The following CRADD variants were observed in gnomAD, a reference collection of about 807,000 sequenced individuals.
CRADD encodes CARD and death domain containing adaptor protein, also known as death domain-containing protein CRADD.
A neutral mutation model predicts 15.5 loss-of-function variants in CRADD; 9 were observed. The ratio of observed to expected loss-of-function variants is 0.58; its 90% confidence interval spans 0.35 to 1.01. CRADD has a LOEUF of 1.01. Ranked by LOEUF, CRADD falls within the 50% of genes least tolerant of loss-of-function variation. CRADD has a pLI of 0.02. For missense variants in CRADD, 227 were observed against 250.3 expected (o/e 0.91, Z 0.63); for synonymous variants, 118 against 107.6 (o/e 1.10, Z -0.60).
intron 2 of CRADD, among the ~76,000 whole-genome samples, chr12:93,709,250 T>A (rs1466413416): frequency 6.6e-6 from 1 of 152,210 alleles, no homozygotes; most frequent in Non-Finnish European, 1.5e-5. Flanking sequence ...GTGATTTATT[T>A]TTTTCTTTAT....
chr12:93,874,284 G>C (rs997077170), intron 2 of CRADD, among the ~76,000 whole-genome samples: 3 of 151,902 alleles, frequency 2.0e-5, no homozygotes, highest in Non-Finnish European at 4.4e-5. Context: ...TGTATCAGTT[G>C]TCATGTCTCC....
Position 93,840,283 on chromosome 12 carries a change from T to C in CRADD, c.299-9687T>C, listed in dbSNP as rs78989531. On this transcript the variant is annotated intron_variant, in intron 2 of 2. Coordinates refer to ENST00000332896, the MANE Select transcript of CRADD (RefSeq NM_003805.5). The stretch of plus-strand genomic sequence containing the variant: ...TAAAATTTTCCCCATGAAGGTCTTA[T>C]ACAGTCTTTATTAACTTCATAGATC... 3.2e-3 allele frequency among the ~76,000 whole-genome samples: 486 copies of C among 152,356 alleles called. 4 individuals carry two copies. Among genetic ancestry groups the C allele is most frequent in the African/African-American group, 0.011 (458 of 41,576 alleles).
At chr12:93,685,617 A>G (rs1955410135) in intron 2 of CRADD, among the ~76,000 whole-genome samples, 1 of 152,222 alleles carries the variant, frequency 6.6e-6, no homozygotes, top group Non-Finnish European at 1.5e-5. Flanking sequence ...TGAATAGGAA[A>G]TAAGATTGAA....
At chr12:93,894,254 C>A in exon 3 of CRADD, 1 of 495,976 alleles carries the variant, frequency 2.0e-6, no homozygotes, top group Non-Finnish European at 3.8e-6. Context: ...TGTCACAATT[C>A]TGTGTATGTG....
At chr12:93,885,507 C>A (rs895037101) in intron 2 of CRADD, among the ~76,000 whole-genome samples, 3 of 151,740 alleles carry the variant, frequency 2.0e-5, no homozygotes, top group African/African-American at 7.3e-5. Flanking sequence ...TATGTGTTCC[C>A]TGTGAGGCTG....
intron 2 of CRADD, among the ~76,000 whole-genome samples, chr12:93,729,793 A>AG (rs1956433236): frequency 6.6e-6 from 1 of 152,054 alleles, no homozygotes. Flanking sequence ...CTCAAAAAAA[A>AG]AAAAAAAAAA....
At chr12:93,757,003 A>G (rs1198961379) in intron 2 of CRADD, among the ~76,000 whole-genome samples, 1 of 152,254 alleles carries the variant, frequency 6.6e-6, no homozygotes, top group Non-Finnish European at 1.5e-5. Flanking sequence ...CTTGATTACC[A>G]TTGTCATGGC....
At chr12:93,734,186 T>C (rs1323307026) in intron 2 of CRADD, among the ~76,000 whole-genome samples, 1 of 152,076 alleles carries the variant, frequency 6.6e-6, no homozygotes, top group Non-Finnish European at 1.5e-5. Flanking sequence ...CATCCATCCA[T>C]CCATCCGTCC....
chr12:93,894,312 A>G (rs1958597557), exon 3 of CRADD: 1 of 590,706 alleles, frequency 1.7e-6, no homozygotes, highest in Non-Finnish European at 3.0e-6. Flanking sequence ...TAGTGAGTAG[A>G]TAACAGAGAT....
At chr12:93,859,636 G>A (rs1308339550) in intron 2 of CRADD, among the ~76,000 whole-genome samples, 2 of 152,108 alleles carry the variant, frequency 1.3e-5, no homozygotes, top group African/African-American at 4.8e-5. Context: ...ATGAAGGTGG[G>A]TCTTATCACA....
intron 2 of CRADD, among the ~76,000 whole-genome samples, chr12:93,782,675 G>A (rs2136974154): frequency 6.6e-6 from 1 of 150,424 alleles, no homozygotes; most frequent in African/African-American, 2.4e-5. Flanking sequence ...TTGAACAACT[G>A]ACTAACTAAA....
intron 2 of CRADD, among the ~76,000 whole-genome samples, chr12:93,778,031 T>G (rs1048780096): frequency 6.6e-6 from 1 of 152,180 alleles, no homozygotes; most frequent in Admixed American, 6.5e-5. Flanking sequence ...TTACCAGCAG[T>G]TTGGTATAGA....
rs149821630 is a variant in CRADD, at chr12:93,813,553, T to A, written c.299-36417T>A. 2.4e-3 allele frequency among the ~76,000 whole-genome samples: 369 copies of A among 152,376 alleles called. 5 individuals carry two copies. Among genetic ancestry groups the A allele is most frequent in the African/African-American group, 8.7e-3 (361 of 41,596 alleles). ...TATGTGTCAGTTGGAGAAATCTTGA[T>A]GCCCAGTTTCATTTGTTTCTTCTGT... On this transcript the variant is annotated intron_variant, in intron 2 of 2. Transcript: ENST00000332896.
chr12:93,762,392 CA>C (rs1394689330), intron 2 of CRADD, among the ~76,000 whole-genome samples: 2 of 152,100 alleles, frequency 1.3e-5, no homozygotes, highest in African/African-American at 4.8e-5. Context: ...AACCAGTTAA[CA>C]AACAGTTACA....
At chr12:93,778,536 T>G (rs1957164280) in intron 2 of CRADD, among the ~76,000 whole-genome samples, 5 of 152,306 alleles carry the variant, frequency 3.3e-5, no homozygotes, top group East Asian at 1.9e-4. Flanking sequence ...TTGGGAAAAC[T>G]TTGGTATGCT....
At chr12:93,755,904 T>C (rs924061350) in intron 2 of CRADD, among the ~76,000 whole-genome samples, 2 of 152,260 alleles carry the variant, frequency 1.3e-5, no homozygotes, top group African/African-American at 4.8e-5. Context: ...GAAAATTTGC[T>C]GCTTTTTAGG....
chr12:93,870,624 G>A (rs750514408), intron 2 of CRADD, among the ~76,000 whole-genome samples: 3 of 152,120 alleles, frequency 2.0e-5, no homozygotes, highest in Admixed American at 1.3e-4. Flanking sequence ...GAGTACTGGG[G>A]CTCCAAACAC....
chr12:93,884,577 C>T (rs572839479), intron 2 of CRADD, among the ~76,000 whole-genome samples: 1 of 152,286 alleles, frequency 6.6e-6, no homozygotes, highest in Admixed American at 6.5e-5. Context: ...GGAACCTGGC[C>T]TCTCCTGTTC....
intron 2 of CRADD, among the ~76,000 whole-genome samples, chr12:93,796,868 C>G (rs1957424452): frequency 1.3e-5 from 2 of 152,108 alleles, no homozygotes; most frequent in Non-Finnish European, 2.9e-5. Flanking sequence ...CTCTTCTGCC[C>G]TTGTCAGTGT....
Sources: gnomAD v4.1 joint callset for allele counts (sites outside exome capture counted in the v4.1 genomes callset) on GRCh38, gnomAD v4.1.1 for gene constraint, MANE v1.5 for transcripts, NCBI Gene and HGNC (gene_info 2026-07-23, HGNC 2026-07-21) for gene names.